Variants in GNG12 observed in about 807,000 individuals in gnomAD.
GNG12 encodes the protein guanine nucleotide-binding protein G(I)/G(S)/G(O) subunit gamma-12.
For synonymous variants in GNG12, 28 were observed against 29.7 expected, an observed-to-expected ratio of 0.94 and a Z score of 0.19; for missense variants, 69 against 83.8, an observed-to-expected ratio of 0.82 and a Z score of 0.69.
At chr1:67,817,850 A>G (rs1382721831) in intron 1 of GNG12, among the ~76,000 whole-genome samples, 1 of 142,354 alleles carries the variant, frequency 7.0e-6, no homozygotes, top group African/African-American at 2.7e-5. Context: ...GCAGTGGTGC[A>G]ATCATGGCTC....
intron 2 of GNG12, among the ~76,000 whole-genome samples, chr1:67,768,850 T>A (rs915060782): frequency 2.6e-5 from 4 of 152,238 alleles, no homozygotes; most frequent in Non-Finnish European, 5.9e-5. Context: ...TTCAAATATA[T>A]ATCTAGATCT....
intron 2 of GNG12, among the ~76,000 whole-genome samples, chr1:67,738,453 A>G (rs1394030713): frequency 1.3e-5 from 2 of 152,208 alleles, no homozygotes; most frequent in Non-Finnish European, 1.5e-5. Flanking sequence ...GCTTTGGTCT[A>G]TATCAAGTCT....
At position 67,703,679 on chromosome 1, in the gene GNG12, AG is replaced by A. The variant is rs1646228160; in HGVS notation, c.*1771del. 1 of 152,226 alleles carries A rather than the reference AG, an allele frequency of 6.6e-6. No homozygotes were observed. 9.4% of individuals were successfully genotyped at this position (152,226 alleles called of 1,614,324 possible). A position where few individuals can be genotyped will look rare whatever the true frequency, so the allele number is the denominator to read the frequency against. ...CGAAAAAGCAGATGACACAAGGCTA[AG>A]GGCAGTGCCGTGATTTTCACATGGC... is the stretch of plus-strand genomic sequence containing the variant. On this transcript the variant is annotated 3_prime_UTR_variant, in exon 4 of 4. Coordinates refer to ENST00000370982, the MANE Select transcript of GNG12 (RefSeq NM_018841.6).
At chr1:67,796,087 C>T (rs538691284) in intron 1 of GNG12, among the ~76,000 whole-genome samples, 5 of 152,216 alleles carry the variant, frequency 3.3e-5, no homozygotes, top group South Asian at 2.1e-4. Context: ...AACATGTGAC[C>T]GATTTAGAAA....
chr1:67,767,835 A>G (rs1646650562), intron 2 of GNG12, among the ~76,000 whole-genome samples: 1 of 152,284 alleles, frequency 6.6e-6, no homozygotes, highest in Non-Finnish European at 1.5e-5. Context: ...TAAGCAAACC[A>G]GATATAAATT....
At chr1:67,755,887 G>A (rs1646564979) in intron 2 of GNG12, among the ~76,000 whole-genome samples, 1 of 152,136 alleles carries the variant, frequency 6.6e-6, no homozygotes. Context: ...GTAAGGTTTT[G>A]TTTGTTTATA....
In GNG12 at chr1:67,807,037, C is replaced by A. The variant is rs1176052361; in HGVS notation, c.-77+26307G>T. On this transcript the variant is annotated intron_variant, in intron 1 of 3. Transcript: ENST00000370982. ...TCACTAACAGAGACCACACACTGGG[C>A]CATAAAAAAAACCTTAACAAATTTA... Among the ~76,000 whole-genome samples the A allele has an allele frequency of 3.3e-5, 5 of 151,976 alleles. No individual in the cohort carries two copies. The South Asian group carries it at 6.2e-4, about 19-fold the overall frequency.
At chr1:67,813,649 T>C (rs116214768) in intron 1 of GNG12, among the ~76,000 whole-genome samples, 4,814 of 152,004 alleles carry the variant, frequency 0.032, 108 homozygotes, top group Admixed American at 0.08. Context: ...CTGATCCCGC[T>C]ATACCATACT....
intron 1 of GNG12, among the ~76,000 whole-genome samples, chr1:67,808,264 ATT>A (rs1019776779): frequency 2.6e-5 from 4 of 151,866 alleles, no homozygotes; most frequent in African/African-American, 9.7e-5. Flanking sequence ...TCTATTCATG[ATT>A]TTTTTTTAAA....
chr1:67,726,952 T>C (rs551776017), intron 2 of GNG12, among the ~76,000 whole-genome samples: 101 of 152,308 alleles, frequency 6.6e-4, no homozygotes, highest in African/African-American at 2.3e-3. Context: ...TCTTGGTGTA[T>C]TAAGGACAAA....
intron 2 of GNG12, among the ~76,000 whole-genome samples, chr1:67,712,692 T>TAA (rs559110602): frequency 6.8e-6 from 1 of 146,868 alleles, no homozygotes; most frequent in Non-Finnish European, 1.5e-5. Flanking sequence ...GACCCCCATT[T>TAA]AAAAAAAAAA....
intron 1 of GNG12, among the ~76,000 whole-genome samples, chr1:67,795,752 T>A (rs1429065619): frequency 6.6e-6 from 1 of 152,164 alleles, no homozygotes; most frequent in Non-Finnish European, 1.5e-5. Flanking sequence ...TGGCCACTTA[T>A]CAGCACAGGA....
At chr1:67,733,235 T>G (rs1646431193) in intron 2 of GNG12, among the ~76,000 whole-genome samples, 1 of 152,206 alleles carries the variant, frequency 6.6e-6, no homozygotes, top group Non-Finnish European at 1.5e-5. Flanking sequence ...TGGAGCTGGT[T>G]TGGGGTGTTT....
At chr1:67,737,084 G>A (rs573808823) in intron 2 of GNG12, among the ~76,000 whole-genome samples, 1 of 152,320 alleles carries the variant, frequency 6.6e-6, no homozygotes, top group African/African-American at 2.4e-5. Flanking sequence ...AGGCTGCTAA[G>A]CTTCCTTAAA....
chr1:67,749,940 C>T (rs1046000004), intron 2 of GNG12, among the ~76,000 whole-genome samples: 24 of 152,152 alleles, frequency 1.6e-4, no homozygotes, highest in African/African-American at 4.1e-4. Flanking sequence ...TACAGACTCT[C>T]CCAGAAATTT....
At chr1:67,766,148 A>ACACACCCC (rs756645057) in intron 2 of GNG12, among the ~76,000 whole-genome samples, 2 of 133,792 alleles carry the variant, frequency 1.5e-5, no homozygotes, top group East Asian at 4.2e-4. Context: ...ACACACACAC[A>ACACACCCC]CCCCTAAACA....
intron 2 of GNG12, among the ~76,000 whole-genome samples, chr1:67,754,310 C>A (rs1646555482): frequency 6.6e-6 from 1 of 152,126 alleles, no homozygotes; most frequent in Non-Finnish European, 1.5e-5. Context: ...CCTGTCCCCA[C>A]CACAAACCTC....
intron 2 of GNG12, among the ~76,000 whole-genome samples, chr1:67,724,079 GA>G (rs1646372008): frequency 6.6e-6 from 1 of 152,154 alleles, no homozygotes; most frequent in Non-Finnish European, 1.5e-5. Flanking sequence ...TCAAGACAAG[GA>G]ATTGTATCGA....
At chr1:67,789,867 C>A (rs1646791713) in intron 1 of GNG12, among the ~76,000 whole-genome samples, 1 of 152,194 alleles carries the variant, frequency 6.6e-6, no homozygotes, top group African/African-American at 2.4e-5. Context: ...CCAAGACCTG[C>A]ACATTCACAG....
Sources: allele counts gnomAD v4.1 joint callset (sites outside exome capture counted in the v4.1 genomes callset), GRCh38; gene constraint gnomAD v4.1.1; transcripts MANE v1.5; gene names NCBI Gene and HGNC (gene_info 2026-07-23, HGNC 2026-07-21).